Variants in BZW2 observed in about 807,000 individuals in gnomAD.
BZW2 encodes basic leucine zipper and W2 domains 2, also known as eIF5-mimic protein 1.
In BZW2, 23 loss-of-function variants were observed where a neutral mutation model predicts 53.2. The ratio of observed to expected loss-of-function variants is 0.43; its 90% CI spans 0.31 to 0.61. The LOEUF (loss-of-function observed/expected upper bound fraction) is 0.61. Among genes scored for constraint, BZW2 ranks in the 20% least tolerant of loss-of-function variants. The probability of loss-of-function intolerance (pLI) is 0.09; values close to 1 mark genes in which losing one functional copy is unlikely to be tolerated. For synonymous variants in BZW2, 227 were observed against 186.4 expected, an observed-to-expected ratio of 1.22 and a Z score of -1.77; for missense variants, 409 against 503.1, an observed-to-expected ratio of 0.81 and a Z score of 1.79.
intron 2 of BZW2, 149 bp downstream of exon 2, chr7:16,665,650 C>T: frequency 1.5e-6 from 2 of 1,309,876 alleles, no homozygotes; most frequent in Non-Finnish European, 2.1e-6. Flanking sequence ...TTTAGTGAAA[C>T]CATAGAACTG....
At chr7:16,661,268 G>A (rs1426680656) in intron 1 of BZW2, 1 of 152,104 alleles carries the variant, frequency 6.6e-6, no homozygotes, top group Non-Finnish European at 1.5e-5. Flanking sequence ...TCCTCTGGTA[G>A]ATCAGTTTCT....
At chr7:16,682,746 T>C (rs1250672967) in intron 4 of BZW2, 34 bp from the exon 5 acceptor site, 1 of 1,421,616 alleles carries the variant, frequency 7.0e-7, no homozygotes, top group Non-Finnish European at 9.6e-7. Context: ...GTCTTTTTGG[T>C]TGACCTAATA....
chr7:16,653,655 T>C (rs1782043197), intron 1 of BZW2, among the ~76,000 whole-genome samples: 1 of 152,234 alleles, frequency 6.6e-6, no homozygotes, highest in African/African-American at 2.4e-5. Flanking sequence ...AGCACTTTTC[T>C]GGAGGAAGGA....
At chr7:16,650,656 T>C (rs115809627) in intron 1 of BZW2, among the ~76,000 whole-genome samples, 2 of 152,212 alleles carry the variant, frequency 1.3e-5, no homozygotes, top group Admixed American at 6.5e-5. Context: ...TCCTAGACTT[T>C]GGGATTTTAC....
intron 6 of BZW2, chr7:16,687,110 C>T (rs1451825896): frequency 6.6e-6 from 1 of 151,788 alleles, no homozygotes; most frequent in East Asian, 1.9e-4. Flanking sequence ...TTTTAAAAAC[C>T]TAAGTGATGT....
At chr7:16,649,878 G>C (rs1781945914) in intron 1 of BZW2, among the ~76,000 whole-genome samples, 1 of 152,114 alleles carries the variant, frequency 6.6e-6, no homozygotes, top group African/African-American at 2.4e-5. Context: ...AATTGACTAT[G>C]TTAACAGTTG....
At chr7:16,699,186 T>C (rs527434413) in intron 10 of BZW2, among the ~76,000 whole-genome samples, 1 of 152,312 alleles carries the variant, frequency 6.6e-6, no homozygotes, top group East Asian at 1.9e-4. Context: ...ACAATTATAA[T>C]AGTCAGGAGG....
intron 2 of BZW2, among the ~76,000 whole-genome samples, chr7:16,671,800 A>G (rs1481358796): frequency 6.6e-6 from 1 of 152,002 alleles, no homozygotes. Flanking sequence ...GTGTGGTGGC[A>G]TGTACCTGTA....
At chr7:16,650,088 G>A (rs1176197245) in intron 1 of BZW2, among the ~76,000 whole-genome samples, 2 of 152,008 alleles carry the variant, frequency 1.3e-5, no homozygotes, top group Admixed American at 6.6e-5. Context: ...TTTCGCTTAT[G>A]TGATTATTCA....
intron 1 of BZW2, among the ~76,000 whole-genome samples, chr7:16,655,399 A>G (rs1266763946): frequency 6.6e-6 from 1 of 152,152 alleles, no homozygotes; most frequent in Non-Finnish European, 1.5e-5. Flanking sequence ...TTTAACTGAC[A>G]TATAGTAATT....
chr7:16,667,803 C>T (rs74692391), intron 2 of BZW2, among the ~76,000 whole-genome samples: 3,356 of 152,178 alleles, frequency 0.022, 119 homozygotes, highest in African/African-American at 0.076. Context: ...CTGGCCTATC[C>T]GCATGAGAAG....
chr7:16,675,089 A>G (rs1782726106), intron 3 of BZW2, among the ~76,000 whole-genome samples: 1 of 152,228 alleles, frequency 6.6e-6, no homozygotes, highest in African/African-American at 2.4e-5. Context: ...ATAGGTGAAA[A>G]CAAAATAAAA....
At chr7:16,664,669 C>G (rs1782365911) in intron 1 of BZW2, among the ~76,000 whole-genome samples, 1 of 152,188 alleles carries the variant, frequency 6.6e-6, no homozygotes, top group Non-Finnish European at 1.5e-5. Flanking sequence ...TCGTGGTGTT[C>G]CACTTGGTGC....
At chr7:16,671,930 CA>C (rs56356463) in intron 2 of BZW2, among the ~76,000 whole-genome samples, 2,856 of 99,286 alleles carry the variant, frequency 0.029, 60 homozygotes, top group Admixed American at 0.036. Context: ...GACCCTGTTT[CA>C]AAAAAAAAAA....
intron 10 of BZW2, among the ~76,000 whole-genome samples, chr7:16,704,002 T>C (rs1316181603): frequency 2.0e-5 from 3 of 152,156 alleles, no homozygotes; most frequent in African/African-American, 7.2e-5. Flanking sequence ...AGTTTAGGTG[T>C]GTATTACTCC....
intron 1 of BZW2, among the ~76,000 whole-genome samples, chr7:16,656,555 GCACACACACACACACACA>G (rs376412401): frequency 7.1e-6 from 1 of 141,204 alleles, no homozygotes; most frequent in Non-Finnish European, 1.5e-5. Flanking sequence ...GCGCGCGCGC[GCACACACACACACACACA>G]CACACACACA....
chr7:16,652,570 G>A (rs1782012523), intron 1 of BZW2, among the ~76,000 whole-genome samples: 1 of 152,182 alleles, frequency 6.6e-6, no homozygotes, highest in Non-Finnish European at 1.5e-5. Flanking sequence ...AGTCTGGAGT[G>A]CGATGGTGTG....
At chr7:16,658,655 T>G (rs1001223883) in intron 1 of BZW2, among the ~76,000 whole-genome samples, 5 of 152,006 alleles carry the variant, frequency 3.3e-5, no homozygotes, top group Non-Finnish European at 7.4e-5. Context: ...GGTGGGCAGA[T>G]CATGAGGTCA....
At chr7:16,656,281 C>T (rs1339594177) in intron 1 of BZW2, among the ~76,000 whole-genome samples, 2 of 152,040 alleles carry the variant, frequency 1.3e-5, no homozygotes, top group Non-Finnish European at 2.9e-5. Context: ...ATGAAGAATA[C>T]AGACCAGTTA....
Sources: gnomAD v4.1 joint callset for allele counts (sites outside exome capture counted in the v4.1 genomes callset) on GRCh38, gnomAD v4.1.1 for gene constraint, MANE v1.5 for transcripts, NCBI Gene and HGNC (gene_info 2026-07-23, HGNC 2026-07-21) for gene names.